The following MLLT10 variants were observed in gnomAD, a reference collection of about 807,000 sequenced individuals.
MLLT10 encodes MLLT10 histone lysine methyltransferase DOT1L cofactor.
A neutral mutation model predicts 129.1 loss-of-function variants in MLLT10; 30 were observed. The observed-to-expected ratio is 0.23, with a 90% confidence interval of 0.17 to 0.32. The LOEUF (loss-of-function observed/expected upper bound fraction) is 0.32. MLLT10 is among the 10% of genes least tolerant of loss of function. MLLT10 has a pLI of 1.00. For synonymous variants in MLLT10, 490 were observed against 446.4 expected (o/e 1.10, Z -1.23); for missense variants, 1,119 against 1,268.3 (o/e 0.88, Z 1.79).
At chr10:21,539,328 T>C (rs937169388) in intron 3 of MLLT10, among the ~76,000 whole-genome samples, 2 of 152,182 alleles carry the variant, frequency 1.3e-5, no homozygotes, top group Admixed American at 1.3e-4. Context: ...ATATTCCTTT[T>C]ACTACATCTT....
chr10:21,686,848 G>A lies in MLLT10; in HGVS notation c.1699+4591G>A, dbSNP rs1204898708. Among the ~76,000 whole-genome samples, 3 of 152,070 alleles carry A rather than the reference G, an allele frequency of 2.0e-5. No individual in the cohort carries two copies. In the East Asian group the frequency reaches 5.8e-4, roughly 29 times the overall value. On this transcript the variant is annotated intron_variant, in intron 13 of 22. Coordinates refer to ENST00000307729, the MANE Select transcript of MLLT10 (RefSeq NM_001195626.3). ...AATACAAAAATTAGCCAGACGTGAT[G>A]GTGCGTGTCTGTAATCCCTGCTACT...
intron 13 of MLLT10, among the ~76,000 whole-genome samples, chr10:21,694,554 T>C (rs555141711): frequency 8.5e-5 from 13 of 152,328 alleles, no homozygotes; most frequent in Middle Eastern, 3.4e-3. Context: ...TAAGGATTCC[T>C]GTGGGCTATA....
At chr10:21,627,171 T>C (rs1357824047) in intron 8 of MLLT10, among the ~76,000 whole-genome samples, 1 of 152,170 alleles carries the variant, frequency 6.6e-6, no homozygotes, top group Non-Finnish European at 1.5e-5. Flanking sequence ...TGTTACCATG[T>C]CCTTCGCTCT....
intron 5 of MLLT10, among the ~76,000 whole-genome samples, chr10:21,607,520 A>C (rs569018909): frequency 1.3e-5 from 2 of 152,144 alleles, no homozygotes; most frequent in Admixed American, 1.3e-4. Context: ...CGGTTTCTCC[A>C]TGTTAGTCAG....
chr10:21,620,958 C>A (rs898179464), intron 8 of MLLT10, among the ~76,000 whole-genome samples: 1 of 151,246 alleles, frequency 6.6e-6, no homozygotes, highest in African/African-American at 2.4e-5. Context: ...GCTGGGATTT[C>A]AGGCGTGAGC....
chr10:21,624,851 A>T (rs1327614613), intron 8 of MLLT10: 42 of 1,094,474 alleles, frequency 3.8e-5, no homozygotes, highest in South Asian at 1.4e-5. Context: ...GTTGTGCAGG[A>T]CCCCCTCTGC....
intron 3 of MLLT10, among the ~76,000 whole-genome samples, chr10:21,576,535 G>A (rs563925559): frequency 2.7e-4 from 41 of 152,134 alleles, no homozygotes; most frequent in African/African-American, 8.9e-4. Context: ...CACCGTGCCC[G>A]GCCATTCCAT....
At chr10:21,576,347 A>G (rs1215883454) in intron 3 of MLLT10, among the ~76,000 whole-genome samples, 1 of 146,934 alleles carries the variant, frequency 6.8e-6, no homozygotes, top group African/African-American at 2.5e-5. Context: ...GGTTCACGCC[A>G]TTCTCCTGCC....
At chr10:21,615,463 AAAAAAAAAAAAG>A (rs1283134059) in intron 7 of MLLT10, among the ~76,000 whole-genome samples, 13 of 133,646 alleles carry the variant, frequency 9.7e-5, no homozygotes, top group African/African-American at 1.0e-4. Flanking sequence ...GTCTCAAAAA[AAAAAAAAAAAAG>A]AAAAAAAAAA....
intron 3 of MLLT10, among the ~76,000 whole-genome samples, chr10:21,542,249 C>T (rs2130908376): frequency 6.6e-6 from 1 of 152,218 alleles, no homozygotes; most frequent in South Asian, 2.1e-4. Flanking sequence ...GTCAAAGTGT[C>T]AGTGTGAATA....
In MLLT10 at chr10:21,679,456, T is replaced by C. The variant is rs534817619; in HGVS notation, c.1622-1876T>C. Among the ~76,000 whole-genome samples, 8 of 152,336 alleles carry C rather than the reference T, an allele frequency of 5.3e-5. No homozygotes were observed. In the South Asian group the frequency reaches 1.7e-3, roughly 32 times the overall value. On this transcript the variant is annotated intron_variant, in intron 11 of 22. Coordinates refer to ENST00000307729, the MANE Select transcript of MLLT10 (RefSeq NM_001195626.3). ...TTTCTTCACTAAAACCATCTTGTTA[T>C]TTTCTCTGAGAAAAGTCTGATATTC...
chr10:21,696,602 T>C lies in MLLT10; in HGVS notation c.1699+14345T>C, dbSNP rs1360966805. Among the ~76,000 whole-genome samples the C allele has an allele frequency of 3.3e-5, 5 of 152,334 alleles. No individual in the cohort carries two copies. The East Asian group carries it at 9.6e-4, about 29-fold the overall frequency. ...AGGAACTTCTGTTGGAAACATCTTCTATTTTAATGTTATTTTAAATTTTTT... is the reference window on the plus strand; with the variant it reads ...AGGAACTTCTGTTGGAAACATCTTCCATTTTAATGTTATTTTAAATTTTTT... On this transcript the variant is annotated intron_variant, in intron 13 of 22. Transcript: ENST00000307729.
chr10:21,579,105 T>C (rs1191859880), intron 3 of MLLT10, among the ~76,000 whole-genome samples: 2 of 152,234 alleles, frequency 1.3e-5, no homozygotes, highest in Non-Finnish European at 2.9e-5. Flanking sequence ...TCTTTATTTT[T>C]GAAGGGCATT....
chr10:21,717,906 C>T (rs983788600), intron 14 of MLLT10, among the ~76,000 whole-genome samples: 69 of 143,868 alleles, frequency 4.8e-4, no homozygotes, highest in African/African-American at 1.7e-3. Flanking sequence ...TCCTCCTCCT[C>T]CTCCTTCTCC....
intron 11 of MLLT10, among the ~76,000 whole-genome samples, chr10:21,680,935 A>G (rs7083501): frequency 0.032 from 4,834 of 152,132 alleles, 256 homozygotes; most frequent in African/African-American, 0.11. Flanking sequence ...CATCCTGGGC[A>G]ACAGAGTGAG....
chr10:21,742,028 C>T lies in MLLT10; in HGVS notation c.*45C>T. ...AATTGCCTATCCTGCTGTTCTAGCA[C>T]TTCATCTGGCTGCCTTTGCAGTCCT... is the stretch of plus-strand genomic sequence containing the variant. On this transcript the variant is annotated 3_prime_UTR_variant, in exon 23 of 23. Coordinates refer to ENST00000307729, the MANE Select transcript of MLLT10 (RefSeq NM_001195626.3). The T allele has an allele frequency of 6.3e-7, 1 of 1,577,844 alleles. No homozygotes were observed.
chr10:21,604,103 A>C (rs1166626870), intron 5 of MLLT10, among the ~76,000 whole-genome samples: 1 of 152,096 alleles, frequency 6.6e-6, no homozygotes, highest in Non-Finnish European at 1.5e-5. Context: ...GGACCCCCCA[A>C]AATTTATGTT....
At chr10:21,628,912 C>G (rs2046740685) in intron 8 of MLLT10, among the ~76,000 whole-genome samples, 1 of 151,692 alleles carries the variant, frequency 6.6e-6, no homozygotes, top group Non-Finnish European at 1.5e-5. Context: ...CCATGCCCGG[C>G]TAAGTTTTGT....
intron 3 of MLLT10, among the ~76,000 whole-genome samples, chr10:21,578,996 T>C (rs2041088648): frequency 6.6e-6 from 1 of 152,232 alleles, no homozygotes; most frequent in Non-Finnish European, 1.5e-5. Context: ...CTAGCATCAT[T>C]TGTCTTAATT....
Sources: allele counts gnomAD v4.1 joint callset (sites outside exome capture counted in the v4.1 genomes callset), GRCh38; gene constraint gnomAD v4.1.1; transcripts MANE v1.5; gene names NCBI Gene and HGNC (gene_info 2026-07-23, HGNC 2026-07-21).